GATA1: variants seen among roughly 807,000 people sequenced by gnomAD.
The protein encoded by GATA1 is erythroid transcription factor.
Under a neutral mutation model 18.9 loss-of-function variants are expected in GATA1, and 2 were observed. The observed-to-expected ratio is 0.11, with a 90% CI of 0.04 to 0.33. The LOEUF is 0.33. Ranked by LOEUF, GATA1 falls within the 10% of genes least tolerant of loss-of-function variation. GATA1 has a pLI of 1.00. For synonymous variants in GATA1, 152 were observed against 149.1 expected (o/e 1.02, Z -0.14); for missense variants, 272 against 344.7 (o/e 0.79, Z 1.67).
At chrX:48,790,044 A>G (rs2062669248) in intron 1 of GATA1, among the ~76,000 whole-genome samples, 1 of 107,880 alleles carries the variant, frequency 9.3e-6, no homozygotes, top group African/African-American at 3.4e-5. Flanking sequence ...GGAGGGGAGG[A>G]GAGGAGATGG....
At chrX:48,790,490 T>C (rs1291920283) in intron 1 of GATA1, among the ~76,000 whole-genome samples, 3 of 105,847 alleles carry the variant, frequency 2.8e-5, no homozygotes, top group Non-Finnish European at 5.8e-5. Flanking sequence ...AGATAAGGTG[T>C]GTGAGAAAGG....
At chrX:48,793,759 G>T in intron 5 of GATA1, 34 bp from the exon 6 acceptor site, 6 of 1,208,614 alleles carry the variant, frequency 5.0e-6, no homozygotes, top group Non-Finnish European at 6.7e-6. Context: ...CAAAGGTCTG[G>T]AGTTGGGGAC....
In GATA1 at chrX:48,791,222, C is replaced by T. The variant is rs372131208; in HGVS notation, c.113C>T (p.Pro38Leu). The T allele has an allele frequency of 3.0e-4, 361 of 1,204,266 alleles. 1 individual carries two copies. In the Middle Eastern group the frequency reaches 3.5e-3, roughly 12 times the overall value. ...TCAGGGGTTTTCTTCCCCTCTGGGC[C>T]TGAGGGCTTGGATGCAGCAGCTTCC... ...PESGVFFPSG[P>L]EGLDAAASST... Residue 38 changes from proline (P) to leucine (L), a missense_variant, in exon 2 of 6, where the codon CCT (proline) becomes CTT (leucine). This residue lies in a region of GATA1 where 147 missense variants were observed against 157.4 expected (regional missense o/e 0.93). Coordinates refer to ENST00000376670, the MANE Select transcript of GATA1 (RefSeq NM_002049.4).
chrX:48,791,052 A>G (rs1355519121), intron 1 of GATA1, 39 bp from the exon 2 acceptor site: 82 of 943,641 alleles, frequency 8.7e-5, no homozygotes, highest in Non-Finnish European at 1.1e-4. Flanking sequence ...GGTGGGGGGG[A>G]AGGATTTCTG....
At chrX:48,793,038 G>A in intron 4 of GATA1, 134 bp from the exon 5 acceptor site, 2 of 651,700 alleles carry the variant, frequency 3.1e-6, no homozygotes, top group South Asian at 2.4e-5. Flanking sequence ...AGAATCCTCA[G>A]GCATCACCCT....
chrX:48,790,495 G>T (rs1557019854), intron 1 of GATA1, among the ~76,000 whole-genome samples: 1 of 109,281 alleles, frequency 9.2e-6, no homozygotes, highest in African/African-American at 3.3e-5. Context: ...AGGTGTGTGA[G>T]AAAGGTAGAA....
At chrX:48,790,645 G>A (rs1224155583) in intron 1 of GATA1, among the ~76,000 whole-genome samples, 4 of 101,945 alleles carry the variant, frequency 3.9e-5, no homozygotes, top group Non-Finnish European at 6.0e-5. Context: ...GGAAAGAGAA[G>A]GAAATGGGGA....
At position 48,791,980 on chromosome X, in the gene GATA1, G is replaced by T; in HGVS notation, c.357G>T (p.Gln119His). The change falls in exon 3 of 6, where the codon CAG (glutamine) becomes CAT (histidine). Residue 119 changes from glutamine to histidine, a missense_variant. By Grantham distance (24) the Gln-to-His change is conservative. Coordinates refer to ENST00000376670, the MANE Select transcript of GATA1 (RefSeq NM_002049.4). ...VCPTREDSPP[Q>H]AVEDLDGKGS... is the part of the protein sequence containing the mutation. ...CCACCCGCGAGGACTCTCCTCCCCAGGCCGTGGAAGATCTGGATGGAAAAG... is the reference window on the plus strand; with the variant it reads ...CCACCCGCGAGGACTCTCCTCCCCATGCCGTGGAAGATCTGGATGGAAAAG... 8.3e-7 allele frequency: 1 copy of T among 1,211,682 alleles called. No homozygotes were observed. The highest frequency in any genetic ancestry group is 1.1e-6 in the Non-Finnish European group (1 of 895,472).
At position 48,794,140 on chromosome X, in the gene GATA1, T is replaced by C. The variant is rs782300796; in HGVS notation, c.1218T>C (p.Thr406=). The change falls in exon 6 of 6, where the codon ACT becomes ACC. Residue 406 remains threonine, a synonymous_variant. Transcript: ENST00000376670. ...TGPMPPTTST[T]VVAPLSS ...CCATGCCCCCCACCACCAGCACTAC[T>C]GTGGTGGCTCCGCTCAGCTCATGAG... 1.3e-5 allele frequency: 15 copies of C among 1,181,837 alleles called. No individual in the cohort carries two copies. In the East Asian group the frequency reaches 2.7e-4, roughly 21 times the overall value.
Position 48,793,831 on chromosome X carries a change from G to C in GATA1, c.909G>C (p.Gln303His). The change falls in exon 6 of 6, where the codon CAG (glutamine) becomes CAC (histidine). Residue 303 changes from glutamine to histidine, a missense_variant. By Grantham distance (24) the Gln-to-His change is conservative. Coordinates refer to ENST00000376670, the MANE Select transcript of GATA1 (RefSeq NM_002049.4). ...RPLTMRKDGI[Q>H]TRNRKASGKG... ...TGACCATGCGGAAGGATGGTATTCAGACTCGAAACCGCAAGGCATCTGGAA... is the reference window on the plus strand; with the variant it reads ...TGACCATGCGGAAGGATGGTATTCACACTCGAAACCGCAAGGCATCTGGAA... 1 of 1,210,818 alleles carries C rather than the reference G, an allele frequency of 8.3e-7. No homozygotes were observed. The highest frequency in any genetic ancestry group is 1.1e-6 in the Non-Finnish European group (1 of 894,999).
At chrX:48,791,436 C>A in intron 2 of GATA1, 107 bp downstream of exon 2, 1 of 738,824 alleles carries the variant, frequency 1.4e-6, no homozygotes, top group Non-Finnish European at 2.0e-6. Context: ...TCAGAAATGG[C>A]TGGAAGCTTC....
chrX:48,793,682 C>T (rs1193422564), intron 5 of GATA1, 111 bp from the exon 6 acceptor site: 1 of 1,068,197 alleles, frequency 9.4e-7, no homozygotes, highest in Non-Finnish European at 1.3e-6. Flanking sequence ...ACAATCTCAG[C>T]ACCCAAAAAT....
intron 1 of GATA1, among the ~76,000 whole-genome samples, chrX:48,787,519 G>GA (rs1463154139): frequency 4.5e-5 from 5 of 110,604 alleles, no homozygotes; most frequent in Non-Finnish European, 9.4e-5. Flanking sequence ...AAAAACCCTT[G>GA]AACTCCCCAG....
In GATA1 at chrX:48,793,317, AG is replaced by A; in HGVS notation, c.870+21del. The A allele has an allele frequency of 1.7e-6, 2 of 1,206,609 alleles. No individual in the cohort carries two copies. The highest frequency in any genetic ancestry group is 2.2e-6 in the Non-Finnish European group (2 of 892,841). On this transcript the variant is annotated intron_variant, in intron 5 of 5. Coordinates refer to ENST00000376670, the MANE Select transcript of GATA1 (RefSeq NM_002049.4). The stretch of plus-strand genomic sequence containing the variant: ...CACCAGGTGACGCCCTGCCCCTTGG[AG>A]CCACCCCTCTGCTTTCCCTGTCTTC...
At chrX:48,788,513 G>C (rs1282989076) in intron 1 of GATA1, among the ~76,000 whole-genome samples, 2 of 111,620 alleles carry the variant, frequency 1.8e-5, no homozygotes, top group African/African-American at 6.5e-5. Context: ...TCTCTTCAGA[G>C]AGCAACAGCA....
chrX:48,793,989 G>A lies in GATA1; in HGVS notation c.1067G>A (p.Gly356Asp), dbSNP rs202091014. The A allele has an allele frequency of 1.6e-5, 19 of 1,207,247 alleles. No individual in the cohort carries two copies. In the Admixed American group the frequency reaches 3.7e-4, roughly 24 times the overall value. ...CGEVASGLTL[G>D]PPGTAHLYQG... The stretch of plus-strand genomic sequence containing the variant: ...GAGGTGGCTTCAGGCCTGACACTGG[G>A]CCCCCCAGGTACTGCCCATCTCTAC... Residue 356 changes from glycine (G) to aspartate (D), a missense_variant, in exon 6 of 6, where the codon GGC becomes GAC. Physicochemically the swap from Gly to Asp is moderately conservative, Grantham distance 94. Coordinates refer to ENST00000376670, the MANE Select transcript of GATA1 (RefSeq NM_002049.4).
Position 48,794,086 on chromosome X carries a change from C to G in GATA1, c.1164C>G (p.Gly388=), listed in dbSNP as rs1557020635. The G allele has an allele frequency of 8.3e-7, 1 of 1,204,047 alleles. No homozygotes were observed. Among genetic ancestry groups the G allele is most frequent in the Admixed American group, 2.2e-5 (1 of 45,305 alleles). ...TGCCTTTCCCTGGACCCCTACTGGG[C>G]TCACCCACGGGCTCCTTCCCCACAG... ...HLMPFPGPLL[G]SPTGSFPTGP... is the part of the protein sequence containing the mutation. The change falls in exon 6 of 6, where the codon GGC becomes GGG. Residue 388 remains glycine (G), a synonymous_variant. Coordinates refer to ENST00000376670, the MANE Select transcript of GATA1 (RefSeq NM_002049.4).
intron 1 of GATA1, among the ~76,000 whole-genome samples, chrX:48,788,884 G>A (rs189275911): frequency 3.6e-5 from 4 of 111,173 alleles, no homozygotes; most frequent in Admixed American, 2.9e-4. Context: ...AGGAAGAGTG[G>A]GAGAGATGCA....
At chrX:48,793,753 G>C (rs1046979798) in intron 5 of GATA1, 40 bp from the exon 6 acceptor site, 4 of 1,205,595 alleles carry the variant, frequency 3.3e-6, no homozygotes, top group Non-Finnish European at 4.5e-6. Flanking sequence ...GAGAGGCAAA[G>C]GTCTGGAGTT....
Sources: gnomAD v4.1 joint callset for allele counts (sites outside exome capture counted in the v4.1 genomes callset) on GRCh38, gnomAD v4.1.1 for gene constraint, gnomAD v4.1.1 regional missense constraint, MANE v1.5 for transcripts, NCBI Gene and HGNC (gene_info 2026-07-23, HGNC 2026-07-21) for gene names.